Variants in CENPN observed in about 807,000 individuals in gnomAD.
CENPN encodes centromere protein N.
In CENPN, 36 loss-of-function variants were observed where a neutral mutation model predicts 48.6. That is an observed-to-expected ratio of 0.74 (90% CI 0.57 to 0.98). The LOEUF is 0.98. CENPN is among the 50% of genes least tolerant of loss of function. The pLI, the probability that CENPN is intolerant of heterozygous loss-of-function variation, is 0.00. For missense variants in CENPN, 439 were observed against 399.2 expected (o/e 1.10, Z -0.85); for synonymous variants, 166 against 135.2 (o/e 1.23, Z -1.58).
Position 81,028,991 on chromosome 16 carries a change from TG to T in CENPN, c.*341del, listed in dbSNP as rs1970645372. 1 of 1,004,234 alleles carries T rather than the reference TG, an allele frequency of 1.0e-6. No individual in the cohort carries two copies. The highest frequency in any genetic ancestry group is 1.2e-6 in the Non-Finnish European group (1 of 842,984). 62.2% of individuals were successfully genotyped at this position (1,004,234 alleles called of 1,614,324 possible). A position where few individuals can be genotyped will look rare whatever the true frequency, so the allele number is the denominator to read the frequency against. ...GGGTTTGTGTCCTTTTTTCTATGGC[TG>T]TCTCTTCTCAATTCTGGAGAGGTCT... On this transcript the variant is annotated 3_prime_UTR_variant, in exon 11 of 11. Transcript: ENST00000305850.
In CENPN at chr16:81,020,222, G is replaced by A. The variant is rs150065918; in HGVS notation, c.477G>A (p.Pro159=). Residue 159 remains proline, a synonymous_variant, in exon 6 of 11, where the codon CCG becomes CCA. Coordinates refer to ENST00000305850, the MANE Select transcript of CENPN (RefSeq NM_001100624.3). ...ACGTGGTGTACTACTCCCAGACTCC[G>A]TACGCCTTCACGTCCTCCTCCATGC... is the stretch of plus-strand genomic sequence containing the variant. ...PTYVVYYSQT[P]YAFTSSSMLR... 192 of 1,613,932 alleles carry A rather than the reference G, an allele frequency of 1.2e-4. No homozygotes were observed. The highest frequency in any genetic ancestry group is 1.5e-4 in the Non-Finnish European group (172 of 1,180,012).
chr16:81,008,192 G>A (rs916480429), intron 1 of CENPN, among the ~76,000 whole-genome samples: 1 of 151,882 alleles, frequency 6.6e-6, no homozygotes, highest in Non-Finnish European at 1.5e-5. Flanking sequence ...GTGAGACTGA[G>A]GGCGCTCTAC....
In CENPN at chr16:81,012,027, T is replaced by C; in HGVS notation, c.88T>C (p.Phe30Leu). The C allele has an allele frequency of 1.9e-6, 3 of 1,614,190 alleles. No individual in the cohort carries two copies. Among genetic ancestry groups the C allele is most frequent in the Middle Eastern group, 3.3e-4 (2 of 6,062 alleles). Residue 30 changes from phenylalanine (F) to leucine (L), a missense_variant, in exon 2 of 11, where the codon TTT becomes CTT. Transcript: ENST00000305850. ...GACAACAATCCTGAAGGCCTGGGAT[T>C]TTTTGTCTGAAAATCAACTGCAGAC... ...ELTTILKAWDFLSENQLQTVN... is the reference protein window; with the variant it reads ...ELTTILKAWDLLSENQLQTVN...
At chr16:81,008,771 G>T (rs934147113) in intron 1 of CENPN, among the ~76,000 whole-genome samples, 1 of 152,204 alleles carries the variant, frequency 6.6e-6, no homozygotes, top group African/African-American at 2.4e-5. Flanking sequence ...ACTGTTCTTG[G>T]CCTGATTAGA....
At chr16:81,010,455 G>T (rs1969693769) in intron 1 of CENPN, among the ~76,000 whole-genome samples, 1 of 152,128 alleles carries the variant, frequency 6.6e-6, no homozygotes. Context: ...CAGATTTGGG[G>T]CTCAGGACCT....
At chr16:81,023,652 A>C (rs1490342625) in intron 7 of CENPN, 2 of 152,154 alleles carry the variant, frequency 1.3e-5, no homozygotes, top group African/African-American at 4.8e-5. Context: ...ATACGACAGT[A>C]GTGGCCAGGC....
chr16:81,024,624 CA>C, intron 7 of CENPN, 90 bp from the exon 8 acceptor site: 2 of 823,690 alleles, frequency 2.4e-6, no homozygotes, highest in African/African-American at 3.5e-5. Context: ...AAAAAATAAA[CA>C]TTTGACATAC....
chr16:81,009,925 G>A (rs538688855), intron 1 of CENPN, among the ~76,000 whole-genome samples: 38 of 152,324 alleles, frequency 2.5e-4, no homozygotes, highest in African/African-American at 8.2e-4. Context: ...CAGACCACGC[G>A]CGGTGGCTCA....
chr16:81,022,751 A>G, intron 7 of CENPN, 53 bp downstream of exon 7: 1 of 1,614,106 alleles, frequency 6.2e-7, no homozygotes, highest in South Asian at 1.1e-5. Context: ...TCTCTTTGAC[A>G]CAGGAGTTAG....
At chr16:81,020,373 C>G in intron 6 of CENPN, 97 bp downstream of exon 6, 1 of 1,240,940 alleles carries the variant, frequency 8.1e-7, no homozygotes, top group Non-Finnish European at 1.1e-6. Flanking sequence ...ATAGAGAATA[C>G]TAGGCCAGGT....
At position 81,026,592 on chromosome 16, in the gene CENPN, C is replaced by T. The variant is rs184140976; in HGVS notation, c.764C>T (p.Thr255Ile). The change falls in exon 9 of 11, where the codon ACA becomes ATA. Residue 255 changes from threonine to isoleucine, a missense_variant. Transcript: ENST00000305850. Reference sequence around the variant, plus strand: ...AGAGTCCAACGAATAACTCAAGAAACATTTGGAGATTATCCTCAACCACAA... The same window carrying T: ...AGAGTCCAACGAATAACTCAAGAAATATTTGGAGATTATCCTCAACCACAA... ...KERVQRITQE[T>I]FGDYPQPQLE... 11,921 of 1,605,072 alleles carry T rather than the reference C, an allele frequency of 7.4e-3. 73 individuals carry two copies. The highest frequency in any genetic ancestry group is 9.0e-3 in the Non-Finnish European group (10,612 of 1,173,622).
At chr16:81,022,491 AC>A (rs1196294698) in intron 6 of CENPN, 105 bp from the exon 7 acceptor site, 1 of 931,348 alleles carries the variant, frequency 1.1e-6, no homozygotes, top group African/African-American at 1.7e-5. Context: ...TTTTACACTT[AC>A]GGGGAAACTA....
At position 81,017,074 on chromosome 16, in the gene CENPN, A is replaced by G. The variant is rs1969961760; in HGVS notation, c.218-252A>G. On this transcript the variant is annotated intron_variant, in intron 3 of 10. Coordinates refer to ENST00000305850, the MANE Select transcript of CENPN (RefSeq NM_001100624.3). ...TAAATGGAATGTGGAAATGGAATAA[A>G]TGGGCTAACATAGAATAAATACCAA... The G allele has an allele frequency of 1.8e-5, 6 of 325,934 alleles. No homozygotes were observed. The South Asian group carries it at 2.1e-4, about 11-fold the overall frequency. 20.2% of individuals were successfully genotyped at this position (325,934 alleles called of 1,614,324 possible).
At chr16:81,011,181 G>T (rs1969725803) in intron 1 of CENPN, among the ~76,000 whole-genome samples, 2 of 152,142 alleles carry the variant, frequency 1.3e-5, no homozygotes, top group Admixed American at 1.3e-4. Flanking sequence ...TGCACATGCT[G>T]TTCCTTCTGC....
chr16:81,009,460 GC>G (rs1216882523), intron 1 of CENPN, among the ~76,000 whole-genome samples: 1 of 152,148 alleles, frequency 6.6e-6, no homozygotes, highest in Non-Finnish European at 1.5e-5. Context: ...GGAAGCAGGG[GC>G]CACGCAACAC....
At chr16:81,019,456 G>A (rs539640952) in intron 5 of CENPN, among the ~76,000 whole-genome samples, 6 of 151,132 alleles carry the variant, frequency 4.0e-5, no homozygotes, top group South Asian at 4.2e-4. Flanking sequence ...GGGCTCAAGC[G>A]ATCCTCCTAC....
chr16:81,026,724 A>C (rs1467771369), intron 9 of CENPN, 86 bp downstream of exon 9: 2 of 592,490 alleles, frequency 3.4e-6, no homozygotes, highest in African/African-American at 3.8e-5. Flanking sequence ...AGATCTAAGA[A>C]ACTGTTCCTT....
intron 7 of CENPN, chr16:81,024,492 A>C (rs149724897): frequency 6.8e-4 from 256 of 375,768 alleles, no homozygotes; most frequent in African/African-American, 5.1e-3. Context: ...ATCCATTTCT[A>C]TGATAAAGCA....
intron 2 of CENPN, among the ~76,000 whole-genome samples, chr16:81,013,471 G>A (rs1247293228): frequency 2.0e-5 from 3 of 152,174 alleles, no homozygotes; most frequent in African/African-American, 7.2e-5. Context: ...CTCCTGCCTG[G>A]AATCCCAGCA....
Sources: allele counts gnomAD v4.1 joint callset (sites outside exome capture counted in the v4.1 genomes callset), GRCh38; gene constraint gnomAD v4.1.1; transcripts MANE v1.5; gene names NCBI Gene and HGNC (gene_info 2026-07-23, HGNC 2026-07-21).